The following CA2 variants were observed in gnomAD, a reference collection of about 807,000 sequenced individuals.
The protein encoded by CA2 is carbonic anhydrase 2.
CA2 carries 23 observed loss-of-function variants against 27.8 expected under a neutral mutation model. The ratio of observed to expected loss-of-function variants is 0.83; its 90% CI spans 0.59 to 1.17. CA2 has a LOEUF of 1.17. Ranked by LOEUF, CA2 falls within the 50% of genes most tolerant of loss-of-function variation. CA2 has a pLI of 0.00. For synonymous variants in CA2, 99 were observed against 114.9 expected (o/e 0.86, Z 0.88); for missense variants, 300 against 314.7 (o/e 0.95, Z 0.35).
At chr8:85,473,965 T>C in intron 3 of CA2, 154 bp downstream of exon 3, 1 of 663,258 alleles carries the variant, frequency 1.5e-6, no homozygotes, top group East Asian at 2.7e-5. Flanking sequence ...TAACCTTTAA[T>C]TGTGACATCA....
chr8:85,465,342 T>G lies in CA2; in HGVS notation c.105T>G (p.Thr35=). 6.2e-7 allele frequency: 1 copy of G among 1,614,140 alleles called. No individual in the cohort carries two copies. The change falls in exon 2 of 7, where the codon ACT becomes ACG. Residue 35 remains threonine, a synonymous_variant. Coordinates refer to ENST00000285379, the MANE Select transcript of CA2 (RefSeq NM_000067.3). ...GCCAGTCCCCTGTTGACATCGACAC[T>G]CATACAGCCAAGTATGACCCTTCCC... ...GERQSPVDID[T]HTAKYDPSLK... is the part of the protein sequence containing the mutation.
intron 6 of CA2, 93 bp from the exon 7 acceptor site, chr8:85,480,577 C>T: frequency 7.6e-7 from 1 of 1,319,088 alleles, no homozygotes; most frequent in Non-Finnish European, 1.1e-6. Context: ...GCCACTGCGC[C>T]TGGCCGGGGA....
chr8:85,474,880 T>G (rs1463126806), intron 4 of CA2, among the ~76,000 whole-genome samples: 1 of 152,136 alleles, frequency 6.6e-6, no homozygotes, highest in East Asian at 1.9e-4. Flanking sequence ...ATTCATATGT[T>G]GAGGTGGAAG....
rs1255527769 is a variant in CA2, at chr8:85,474,392, G to A, written c.420G>A (p.Leu140=). The A allele has an allele frequency of 1.9e-6, 3 of 1,613,772 alleles. No homozygotes were observed. The African/African-American group carries it at 4.0e-5, about 22-fold the overall frequency. Residue 140 remains leucine, a synonymous_variant, in exon 4 of 7, where the codon CTG becomes CTA. Transcript: ENST00000285379. The part of the protein sequence containing the change: ...FGKAVQQPDG[L]AVLGIFLKVG... Reference sequence around the variant, plus strand: ...AAGCTGTGCAGCAACCTGATGGACTGGCCGTTCTAGGTATTTTTTTGAAGG... The same window carrying A: ...AAGCTGTGCAGCAACCTGATGGACTAGCCGTTCTAGGTATTTTTTTGAAGG...
intron 5 of CA2, among the ~76,000 whole-genome samples, chr8:85,476,759 G>A (rs1327840403): frequency 6.6e-6 from 1 of 152,084 alleles, no homozygotes; most frequent in East Asian, 1.9e-4. Flanking sequence ...CCATATTTCT[G>A]TTATTGCAAC....
chr8:85,475,779 C>T lies in CA2; in HGVS notation c.445-19C>T, dbSNP rs755496691. ...TACCAACTGGGTGATAGTATCTTGC[C>T]CTTTATGTTTTTCTTTAGGTTGGCA... On this transcript the variant is annotated intron_variant, in intron 4 of 6. Transcript: ENST00000285379. 4 of 1,611,466 alleles carry T rather than the reference C, an allele frequency of 2.5e-6. No homozygotes were observed. The highest frequency in any genetic ancestry group is 2.5e-6 in the Non-Finnish European group (3 of 1,177,712).
intron 6 of CA2, among the ~76,000 whole-genome samples, chr8:85,480,413 C>A (rs368478890): frequency 6.7e-6 from 1 of 150,022 alleles, no homozygotes. Context: ...TGCTCTACCA[C>A]GCCTGTTTAA....
At chr8:85,480,508 T>A (rs1420489784) in intron 6 of CA2, among the ~76,000 whole-genome samples, 162 bp from the exon 7 acceptor site, 1 of 151,490 alleles carries the variant, frequency 6.6e-6, no homozygotes. Flanking sequence ...ATTGCTGACC[T>A]CAAGTGATCC....
At chr8:85,474,990 A>G (rs528759415) in intron 4 of CA2, among the ~76,000 whole-genome samples, 2 of 152,110 alleles carry the variant, frequency 1.3e-5, no homozygotes, top group Non-Finnish European at 2.9e-5. Flanking sequence ...TAAGGCCTTT[A>G]CAAGGGGAGA....
intron 2 of CA2, among the ~76,000 whole-genome samples, chr8:85,468,780 A>G (rs1280111835): frequency 6.7e-6 from 1 of 148,270 alleles, no homozygotes; most frequent in Non-Finnish European, 1.5e-5. Context: ...ACAAACAAAA[A>G]ACCACACACA....
In CA2 at chr8:85,473,737, T is replaced by C; in HGVS notation, c.277T>C (p.Phe93Leu). The change falls in exon 3 of 7, where the codon TTT (phenylalanine) becomes CTT (leucine). Residue 93 changes from phenylalanine (F) to leucine (L), a missense_variant. Around this residue, in one of 3 missense-constraint regions of CA2, gnomAD observed 122 missense variants for 133.2 expected, o/e 0.92. Coordinates refer to ENST00000285379, the MANE Select transcript of CA2 (RefSeq NM_000067.3). ...PLDGTYRLIQ[F>L]HFHWGSLDGQ... ...GGATGGCACTTACAGATTGATTCAG[T>C]TTCACTTTCACTGGGGTTCACTTGA... 2 of 1,612,764 alleles carry C rather than the reference T, an allele frequency of 1.2e-6. No homozygotes were observed. The highest frequency in any genetic ancestry group is 3.3e-5 in the Admixed American group (2 of 60,024).
rs919729440 is a variant in CA2 at position 85,480,904 on chromosome 8, C to A, written c.*115C>A. 39 of 1,031,728 alleles carry A rather than the reference C, an allele frequency of 3.8e-5. No homozygotes were observed. The highest frequency in any genetic ancestry group is 4.8e-5 in the Non-Finnish European group (32 of 672,404). 63.9% of individuals were successfully genotyped at this position (1,031,728 alleles called of 1,614,324 possible). On this transcript the variant is annotated 3_prime_UTR_variant, in exon 7 of 7. Coordinates refer to ENST00000285379, the MANE Select transcript of CA2 (RefSeq NM_000067.3). ...TTGCTTTGTGTCTAGTTTTCTAGAC[C>A]CTTCATCTCTTACTTGATAGACTTA...
intron 4 of CA2, 42 bp downstream of exon 4, chr8:85,474,458 A>G (rs774241068): frequency 3.0e-5 from 41 of 1,347,168 alleles, no homozygotes; most frequent in Non-Finnish European, 4.4e-5. Context: ...TATTTTTAAT[A>G]AAGAATGACC....
intron 1 of CA2, chr8:85,464,331 A>C (rs1453074752): frequency 4.3e-6 from 2 of 463,186 alleles, no homozygotes; most frequent in Non-Finnish European, 7.5e-6. Flanking sequence ...CTGCGAGGCC[A>C]CTGTGGAGGA....
At chr8:85,465,133 TC>T (rs1259495988) in intron 1 of CA2, 138 bp from the exon 2 acceptor site, 2 of 651,256 alleles carry the variant, frequency 3.1e-6, no homozygotes. Context: ...TTACGTGTTT[TC>T]CCAAAATTTA....
chr8:85,479,445 G>A (rs776994237), intron 6 of CA2, among the ~76,000 whole-genome samples: 3 of 152,164 alleles, frequency 2.0e-5, no homozygotes, highest in Non-Finnish European at 2.9e-5. Flanking sequence ...GTGGCTCTAC[G>A]GGGGTGATTG....
intron 4 of CA2, among the ~76,000 whole-genome samples, chr8:85,475,352 CAG>C (rs1448415885): frequency 5.9e-5 from 6 of 102,404 alleles, no homozygotes; most frequent in Admixed American, 1.6e-4. Flanking sequence ...AGCTGGATGA[CAG>C]AGCAAGACTC....
chr8:85,469,443 T>G (rs1442807645), intron 2 of CA2, among the ~76,000 whole-genome samples: 2 of 152,190 alleles, frequency 1.3e-5, no homozygotes, highest in African/African-American at 4.8e-5. Context: ...TAATAGGATT[T>G]AACTAGAAAC....
At chr8:85,476,317 T>C (rs1276869219) in intron 5 of CA2, among the ~76,000 whole-genome samples, 1 of 152,212 alleles carries the variant, frequency 6.6e-6, no homozygotes, top group African/African-American at 2.4e-5. Flanking sequence ...CCATCCTGCA[T>C]TTAAATCCTC....
Sources: allele counts gnomAD v4.1 joint callset (sites outside exome capture counted in the v4.1 genomes callset), GRCh38; gene constraint gnomAD v4.1.1; regional missense constraint gnomAD v4.1.1; transcripts MANE v1.5; gene names NCBI Gene and HGNC (gene_info 2026-07-23, HGNC 2026-07-21).